The following NCAPD3 variants were observed in gnomAD, a reference collection of about 807,000 sequenced individuals.
The protein encoded by NCAPD3 is condensin-2 complex subunit D3.
A neutral mutation model predicts 182.9 loss-of-function variants in NCAPD3; 105 were observed. That is an observed-to-expected ratio of 0.57 (90% CI 0.49 to 0.68). The LOEUF (loss-of-function observed/expected upper bound fraction) is 0.68, where lower values mean the gene tolerates loss of function less well. Among genes scored for constraint, NCAPD3 ranks in the 30% least tolerant of loss-of-function variants. NCAPD3 has a pLI of 0.00. For synonymous variants in NCAPD3, 815 were observed against 679.9 expected (o/e 1.20, Z -3.09); for missense variants, 1,944 against 1,837.0 (o/e 1.06, Z -1.07).
chr11:134,157,115 G>C lies in NCAPD3; in HGVS notation c.4175-20C>G. On this transcript the variant is annotated intron_variant, in intron 31 of 34. Coordinates refer to ENST00000534548, the MANE Select transcript of NCAPD3 (RefSeq NM_015261.3). ...AAGACACTAGAACAGAAAAGGTGCT[G>C]CTATCCAGAAATACCCCCAAACAAT... 1.3e-6 allele frequency: 2 copies of C among 1,593,378 alleles called. No homozygotes were observed. The highest frequency in any genetic ancestry group is 2.2e-5 in the South Asian group (2 of 89,310).
rs763793865 is a variant in NCAPD3 at position 134,150,305 on chromosome 11, TC to T, written c.*2638del. 1 of 152,356 alleles carries T rather than the reference TC, an allele frequency of 6.6e-6. No homozygotes were observed. The highest frequency in any genetic ancestry group is 1.5e-5 in the Non-Finnish European group (1 of 68,130). 9.4% of individuals were successfully genotyped at this position (152,356 alleles called of 1,614,324 possible). Reference sequence around the variant, plus strand: ...CTCAGGTTAGCTTTGAACTGCCTCTTCCTGAGATGACTAGGACAGTCTGTAC... The same window carrying T: ...CTCAGGTTAGCTTTGAACTGCCTCTTCTGAGATGACTAGGACAGTCTGTAC... On this transcript the variant is annotated 3_prime_UTR_variant, in exon 35 of 35. Coordinates refer to ENST00000534548, the MANE Select transcript of NCAPD3 (RefSeq NM_015261.3).
chr11:134,150,861 G>T lies in NCAPD3; in HGVS notation c.*2083C>A, dbSNP rs1410162688. On this transcript the variant is annotated 3_prime_UTR_variant, in exon 35 of 35. Coordinates refer to ENST00000534548, the MANE Select transcript of NCAPD3 (RefSeq NM_015261.3). ...AGTCCAGCCTTTTAAAGAACGTCAG[G>T]TGGAGCAGCCAGGTGAAAGGCCTGG... 6.6e-6 allele frequency: 1 copy of T among 152,200 alleles called. No individual in the cohort carries two copies. Among genetic ancestry groups the T allele is most frequent in the African/African-American group, 2.4e-5 (1 of 41,442 alleles). The allele number at this position is 152,200 out of a possible 1,614,324, so 9.4% of individuals were successfully genotyped here.
chr11:134,156,324 C>T (rs1943417888), intron 32 of NCAPD3, among the ~76,000 whole-genome samples: 1 of 152,110 alleles, frequency 6.6e-6, no homozygotes, highest in Non-Finnish European at 1.5e-5. Context: ...GGGCGCAGAG[C>T]GAGGGGCACA....
intron 2 of NCAPD3, among the ~76,000 whole-genome samples, chr11:134,218,368 G>A (rs1460696591): frequency 6.6e-6 from 1 of 151,972 alleles, no homozygotes; most frequent in African/African-American, 2.4e-5. Flanking sequence ...TTTCTGTCCT[G>A]GCTGCTTCTC....
In NCAPD3 at chr11:134,193,906, TAG is replaced by T. The variant is rs1259095994; in HGVS notation, c.1824+108_1824+109del. 62 of 1,107,074 alleles carry T rather than the reference TAG, an allele frequency of 5.6e-5. No homozygotes were observed. The East Asian group carries it at 1.5e-3, about 26-fold the overall frequency. The allele number at this position is 1,107,074 out of a possible 1,614,324, so 68.6% of individuals were successfully genotyped here. ...ACATTGTACAGTTCTACAGTGGACT[TAG>T]TAGAGTTTTTAAAGGTCAACTTAAC... On this transcript the variant is annotated intron_variant, in intron 15 of 34. Transcript: ENST00000534548.
At chr11:134,177,493 T>A in intron 22 of NCAPD3, 36 bp from the exon 23 acceptor site, 1 of 1,567,676 alleles carries the variant, frequency 6.4e-7, no homozygotes. Context: ...TCAACTGTAT[T>A]CTAAATCCTA....
At chr11:134,201,979 T>C (rs1176161387) in intron 13 of NCAPD3, among the ~76,000 whole-genome samples, 2 of 152,202 alleles carry the variant, frequency 1.3e-5, no homozygotes, top group African/African-American at 2.4e-5. Flanking sequence ...TCTCGGCACC[T>C]ATCTCAGTGT....
chr11:134,165,714 C>CACTT (rs1323023817), intron 27 of NCAPD3, among the ~76,000 whole-genome samples: 1 of 117,372 alleles, frequency 8.5e-6, no homozygotes, highest in Non-Finnish European at 1.8e-5. Context: ...GGCGCACACT[C>CACTT]GTGAGATGAG....
At chr11:134,225,015 G>T (rs1431000287), upstream of NCAPD3, 2 of 1,082,804 alleles carry the variant, frequency 1.8e-6, no homozygotes, top group Non-Finnish European at 2.4e-6. Context: ...CCCCGCGGCG[G>T]CCGAGCGCGC....
chr11:134,224,662 C>T (rs1170668512), upstream of NCAPD3: 1 of 152,208 alleles, frequency 6.6e-6, no homozygotes, highest in Non-Finnish European at 1.5e-5. Context: ...CCCGCCCCCT[C>T]CCCCGCCCGG....
intron 22 of NCAPD3, 69 bp downstream of exon 22, chr11:134,178,565 C>T: frequency 8.1e-7 from 1 of 1,233,738 alleles, no homozygotes; most frequent in Non-Finnish European, 1.1e-6. Context: ...AGTCCCATGG[C>T]TGGGCTTACT....
At chr11:134,154,309 C>G (rs1228960858) in intron 32 of NCAPD3, among the ~76,000 whole-genome samples, 2 of 152,160 alleles carry the variant, frequency 1.3e-5, no homozygotes, top group Non-Finnish European at 2.9e-5. Context: ...CAAGACACCT[C>G]AATCGCTGTG....
intron 32 of NCAPD3, among the ~76,000 whole-genome samples, chr11:134,155,771 C>T (rs893369844): frequency 6.6e-6 from 1 of 151,862 alleles, no homozygotes; most frequent in Non-Finnish European, 1.5e-5. Flanking sequence ...AGCTCTAACA[C>T]ACAGAACATC....
At chr11:134,208,751 T>G in intron 7 of NCAPD3, 113 bp downstream of exon 7, 1 of 709,312 alleles carries the variant, frequency 1.4e-6, no homozygotes. Flanking sequence ...GTCATGAAAA[T>G]GAGCTAGTAA....
chr11:134,174,702 T>C lies in NCAPD3; in HGVS notation c.3101+1605A>G, dbSNP rs1285837174. On this transcript the variant is annotated intron_variant, in intron 24 of 34. Transcript: ENST00000534548. ...TGAATATAATAACAACAATTTACTG[T>C]CTATTTTCAAAAAGCTAGGGAGAGG... 5.3e-5 allele frequency among the ~76,000 whole-genome samples: 8 copies of C among 152,074 alleles called. No individual in the cohort carries two copies. The East Asian group carries it at 1.5e-3, about 29-fold the overall frequency.
intron 24 of NCAPD3, among the ~76,000 whole-genome samples, chr11:134,170,632 T>G (rs191373268): frequency 1.3e-5 from 2 of 152,266 alleles, no homozygotes; most frequent in South Asian, 4.1e-4. Context: ...TTTGGACTTA[T>G]GTCAATGCCA....
Position 134,168,067 on chromosome 11 carries a change from G to A in NCAPD3, c.3502C>T (p.Leu1168Phe), listed in dbSNP as rs746689480. 1.9e-6 allele frequency: 3 copies of A among 1,614,164 alleles called. No individual in the cohort carries two copies. In the East Asian group the frequency reaches 6.7e-5, roughly 36 times the overall value. Residue 1168 changes from leucine (L) to phenylalanine (F), a missense_variant, in exon 27 of 35, where the codon CTT (leucine) becomes TTT (phenylalanine). This residue lies in a region of NCAPD3 where 1,803 missense variants were observed against 1,674.6 expected (regional missense o/e 1.08). Coordinates refer to ENST00000534548, the MANE Select transcript of NCAPD3 (RefSeq NM_015261.3). ...AMRSKPDKDL[L>F]MEEDDMALAN... The stretch of plus-strand genomic sequence containing the variant: ...AAGGCCATGTCATCTTCTTCCATAA[G>A]GAGGTCTTTGTCTGGTTTAGATCTC...
intron 16 of NCAPD3, among the ~76,000 whole-genome samples, chr11:134,190,944 G>A (rs1340763967): frequency 1.3e-5 from 2 of 152,164 alleles, no homozygotes; most frequent in Non-Finnish European, 2.9e-5. Context: ...ATTTAGAATT[G>A]TCGACTACTT....
At chr11:134,197,339 T>C (rs1219224785) in intron 13 of NCAPD3, among the ~76,000 whole-genome samples, 1 of 145,744 alleles carries the variant, frequency 6.9e-6, no homozygotes, top group Non-Finnish European at 1.5e-5. Context: ...TGCAGTCGCA[T>C]GATATTGGCT....
Sources: gnomAD v4.1 joint callset for allele counts (sites outside exome capture counted in the v4.1 genomes callset) on GRCh38, gnomAD v4.1.1 for gene constraint, gnomAD v4.1.1 regional missense constraint, MANE v1.5 for transcripts, NCBI Gene and HGNC (gene_info 2026-07-23, HGNC 2026-07-21) for gene names.